PARP15: variants seen among roughly 807,000 people sequenced by gnomAD.
PARP15 encodes poly(ADP-ribose) polymerase family member 15.
Under a neutral mutation model 62.1 loss-of-function variants are expected in PARP15, and 50 were observed. The ratio of observed to expected loss-of-function variants is 0.81; its 90% CI spans 0.64 to 1.02. PARP15 has a LOEUF of 1.02. Among genes scored for constraint, PARP15 ranks in the 50% least tolerant of loss-of-function variants. PARP15 has a pLI of 0.00. For synonymous variants in PARP15, 309 were observed against 293.1 expected, an observed-to-expected ratio of 1.05 and a Z score of -0.55; for missense variants, 820 against 826.5, an observed-to-expected ratio of 0.99 and a Z score of 0.10.
chr3:122,626,793 G>A (rs376167717), intron 8 of PARP15, 34 bp from the exon 9 acceptor site: 1 of 1,587,700 alleles, frequency 6.3e-7, no homozygotes, highest in African/African-American at 1.4e-5. Context: ...GCAACATCGG[G>A]GGAAACTTCT....
At chr3:122,611,289 A>C (rs1935545112) in intron 3 of PARP15, among the ~76,000 whole-genome samples, 1 of 152,190 alleles carries the variant, frequency 6.6e-6, no homozygotes, top group Non-Finnish European at 1.5e-5. Context: ...AAAAGTACAA[A>C]AAGACAATAA....
chr3:122,613,317 G>T (rs1215637119), intron 4 of PARP15, 49 bp downstream of exon 4: 3 of 1,400,914 alleles, frequency 2.1e-6, no homozygotes, highest in Non-Finnish European at 3.0e-6. Flanking sequence ...GAACCCAAGC[G>T]CATTCAGATG....
chr3:122,612,127 C>T (rs973179131), intron 3 of PARP15, among the ~76,000 whole-genome samples: 1 of 151,982 alleles, frequency 6.6e-6, no homozygotes, highest in Non-Finnish European at 1.5e-5. Flanking sequence ...GCGATCTTAC[C>T]TCACTGCAAC....
At chr3:122,592,976 T>G (rs756048980) in intron 1 of PARP15, among the ~76,000 whole-genome samples, 3 of 152,190 alleles carry the variant, frequency 2.0e-5, no homozygotes, top group Non-Finnish European at 4.4e-5. Flanking sequence ...TGCTACTTCA[T>G]TTTTGTAAAT....
chr3:122,615,271 C>T (rs549561130), intron 4 of PARP15: 8 of 1,287,900 alleles, frequency 6.2e-6, no homozygotes, highest in East Asian at 5.6e-5. Context: ...CGTGGATTTT[C>T]GTGTTTTCAT....
Position 122,637,990 on chromosome 3 carries a change from C to CT in PARP15, c.*1892dup, listed in dbSNP as rs1481971101. ...ACAGGCCCCGGTGTGTGATGTTCCC[C>CT]TTCCTGTGTCCATGTGTTCTCATTG... On this transcript the variant is annotated 3_prime_UTR_variant, in exon 12 of 12. Transcript: ENST00000464300. 19 of 143,314 alleles carry CT rather than the reference C, an allele frequency of 1.3e-4. No homozygotes were observed. The highest frequency in any genetic ancestry group is 4.9e-4 in the African/African-American group (19 of 38,606). The allele number at this position is 143,314 out of a possible 1,614,324, so 8.9% of individuals were successfully genotyped here.
chr3:122,611,352 G>A (rs541701129), intron 3 of PARP15, among the ~76,000 whole-genome samples: 1 of 151,938 alleles, frequency 6.6e-6, no homozygotes. Flanking sequence ...TTCTTTTTGA[G>A]ACCGAGTTTC....
At chr3:122,626,785 A>G in intron 8 of PARP15, 42 bp from the exon 9 acceptor site, 7 of 1,567,254 alleles carry the variant, frequency 4.5e-6, no homozygotes, top group African/African-American at 1.4e-5. Flanking sequence ...TCATATTAGC[A>G]ACATCGGGGG....
chr3:122,597,297 G>A (rs2107496295), intron 1 of PARP15, among the ~76,000 whole-genome samples: 1 of 152,206 alleles, frequency 6.6e-6, no homozygotes, highest in South Asian at 2.1e-4. Context: ...TGGAAATTAG[G>A]TTTCAACATC....
intron 1 of PARP15, among the ~76,000 whole-genome samples, chr3:122,592,458 G>A (rs1435553848): frequency 6.6e-6 from 1 of 152,038 alleles, no homozygotes; most frequent in Non-Finnish European, 1.5e-5. Flanking sequence ...GTGGGGGAAG[G>A]GAGAACATTA....
intron 1 of PARP15, among the ~76,000 whole-genome samples, chr3:122,578,547 T>G (rs1049131081): frequency 1.3e-5 from 2 of 152,166 alleles, no homozygotes; most frequent in Non-Finnish European, 2.9e-5. Context: ...CTTTCATATG[T>G]GGTTCGGGTA....
rs1412233116 is a variant in PARP15 at position 122,636,105 on chromosome 3, AT to A, written c.*10del. On this transcript the variant is annotated 3_prime_UTR_variant, in exon 12 of 12. Transcript: ENST00000464300. Reference sequence around the variant, plus strand: ...CTCATAACTTTCACGGCTTAAAAATATTTTTATCATCAAAGAGATGATTTAA... The same window carrying A: ...CTCATAACTTTCACGGCTTAAAAATATTTTATCATCAAAGAGATGATTTAA... The A allele has an allele frequency of 1.2e-6, 2 of 1,604,248 alleles. No individual in the cohort carries two copies. The highest frequency in any genetic ancestry group is 2.2e-5 in the South Asian group (2 of 90,356).
At chr3:122,602,416 C>T (rs1464122120) in intron 1 of PARP15, among the ~76,000 whole-genome samples, 1 of 152,160 alleles carries the variant, frequency 6.6e-6, no homozygotes, top group Non-Finnish European at 1.5e-5. Flanking sequence ...GGAGATCAGG[C>T]AGATACCAGG....
At chr3:122,633,230 A>G (rs1937159536) in intron 10 of PARP15, among the ~76,000 whole-genome samples, 1 of 152,164 alleles carries the variant, frequency 6.6e-6, no homozygotes, top group Non-Finnish European at 1.5e-5. Context: ...TCATTTCTTC[A>G]TTCTCAGTAC....
At chr3:122,630,292 T>C (rs10511411) in intron 9 of PARP15, among the ~76,000 whole-genome samples, 5,797 of 152,262 alleles carry the variant, frequency 0.038, 121 homozygotes, top group Middle Eastern at 0.1. Context: ...TACATAGAAG[T>C]TGGAGTAGAT....
chr3:122,598,017 TTTTCAATCAA>T (rs1934490897), intron 1 of PARP15, among the ~76,000 whole-genome samples: 1 of 152,220 alleles, frequency 6.6e-6, no homozygotes, highest in African/African-American at 2.4e-5. Flanking sequence ...TTAAAAAATA[TTTTCAATCAA>T]TGGTTGGTTG....
chr3:122,594,733 A>T (rs1289802998), intron 1 of PARP15: 1 of 972,940 alleles, frequency 1.0e-6, no homozygotes, highest in Non-Finnish European at 1.2e-6. Flanking sequence ...CAATAAGTTG[A>T]TTTTTACTTC....
At chr3:122,591,647 A>G (rs1411770255) in intron 1 of PARP15, among the ~76,000 whole-genome samples, 4 of 151,304 alleles carry the variant, frequency 2.6e-5, no homozygotes, top group African/African-American at 9.7e-5. Flanking sequence ...TGTAATCCCC[A>G]CTACTCAGGA....
intron 4 of PARP15, 132 bp from the exon 5 acceptor site, chr3:122,615,647 C>T (rs923919226): frequency 1.9e-5 from 30 of 1,544,298 alleles, no homozygotes; most frequent in Non-Finnish European, 2.2e-5. Context: ...TTTAAGAAGT[C>T]TCTGAGGGAA....
Sources: gnomAD v4.1 joint callset for allele counts (sites outside exome capture counted in the v4.1 genomes callset) on GRCh38, gnomAD v4.1.1 for gene constraint, MANE v1.5 for transcripts, NCBI Gene and HGNC (gene_info 2026-07-23, HGNC 2026-07-21) for gene names.